ACTR10: variants seen among roughly 807,000 people sequenced by gnomAD.
ACTR10 encodes the protein actin-related protein 10.
In ACTR10, 43 loss-of-function variants were observed where a neutral mutation model predicts 56.2. The ratio of observed to expected loss-of-function variants is 0.77; its 90% CI spans 0.60 to 0.99. The LOEUF (loss-of-function observed/expected upper bound fraction) is 0.99, where lower values mean the gene tolerates loss of function less well. Among genes scored for constraint, ACTR10 ranks in the 50% least tolerant of loss-of-function variants. The pLI is 0.00. For synonymous variants in ACTR10, 170 were observed against 176.3 expected, an observed-to-expected ratio of 0.96 and a Z score of 0.28; for missense variants, 466 against 507.8, an observed-to-expected ratio of 0.92 and a Z score of 0.79.
intron 5 of ACTR10, among the ~76,000 whole-genome samples, chr14:58,212,823 T>A (rs1335697529): frequency 3.9e-5 from 6 of 152,092 alleles, no homozygotes; most frequent in African/African-American, 1.2e-4. Context: ...TGTATGCAAT[T>A]TAGAGTGTTC....
At chr14:58,232,400 T>C (rs1019855764) in intron 12 of ACTR10, 133 bp downstream of exon 12, 44 of 448,946 alleles carry the variant, frequency 9.8e-5, no homozygotes, top group African/African-American at 7.4e-4. Flanking sequence ...AACACTGACT[T>C]TTTCTTTTTT....
intron 10 of ACTR10, among the ~76,000 whole-genome samples, chr14:58,226,440 A>G (rs1366051523): frequency 6.6e-6 from 1 of 151,824 alleles, no homozygotes; most frequent in Non-Finnish European, 1.5e-5. Flanking sequence ...AAAAAAAAAA[A>G]AAAAAAGGAA....
chr14:58,216,538 A>G (rs1889139010), intron 7 of ACTR10, among the ~76,000 whole-genome samples: 1 of 152,198 alleles, frequency 6.6e-6, no homozygotes, highest in Non-Finnish European at 1.5e-5. Context: ...TTTCTTCAAA[A>G]TCTGAGTTTG....
At chr14:58,208,105 CAAAAAA>C (rs34557633) in intron 3 of ACTR10, 87 bp downstream of exon 3, 1 of 918,474 alleles carries the variant, frequency 1.1e-6, no homozygotes, top group South Asian at 2.2e-5. Context: ...CAGCTGAGGC[CAAAAAA>C]AAAAAAAATG....
intron 4 of ACTR10, among the ~76,000 whole-genome samples, chr14:58,209,991 G>T (rs1371085199): frequency 6.6e-6 from 1 of 152,150 alleles, no homozygotes; most frequent in Non-Finnish European, 1.5e-5. Context: ...ATAGCCTCCA[G>T]TACCTACTGA....
Position 58,219,604 on chromosome 14 carries a change from C to T in ACTR10, c.599-90C>T, listed in dbSNP as rs1021050814. On this transcript the variant is annotated intron_variant, in intron 7 of 12. Transcript: ENST00000254286. Reference sequence around the variant, plus strand: ...AGTAGTTGTATTTTTAAAATTTTTTCTAAATTGAAAAATAGAAATGTGAAG... The same window carrying T: ...AGTAGTTGTATTTTTAAAATTTTTTTTAAATTGAAAAATAGAAATGTGAAG... 2.7e-4 allele frequency: 216 copies of T among 807,658 alleles called. 1 individual carries two copies. Among genetic ancestry groups the T allele is most frequent in the Middle Eastern group, 4.0e-4 (1 of 2,520 alleles). The allele number at this position is 807,658 out of a possible 1,614,324, so 50.0% of individuals were successfully genotyped here.
chr14:58,231,052 TG>T, intron 11 of ACTR10: 1 of 332,984 alleles, frequency 3.0e-6, no homozygotes, highest in Non-Finnish European at 6.2e-6. Context: ...CCACCGCACC[TG>T]GCCTTTTTTT....
chr14:58,208,573 G>A (rs190665336), intron 3 of ACTR10, among the ~76,000 whole-genome samples: 14 of 151,990 alleles, frequency 9.2e-5, no homozygotes, highest in African/African-American at 1.9e-4. Context: ...AGAAAATATC[G>A]CCAGGTGCTG....
intron 1 of ACTR10, among the ~76,000 whole-genome samples, chr14:58,201,581 A>T (rs184756634): frequency 6.6e-6 from 1 of 152,232 alleles, no homozygotes; most frequent in African/African-American, 2.4e-5. Flanking sequence ...ACTAGACAGG[A>T]CAAGAAGACA....
Position 58,234,631 on chromosome 14 carries a change from T to A in ACTR10, c.*80T>A. 7.3e-7 allele frequency: 1 copy of A among 1,378,964 alleles called. No individual in the cohort carries two copies. The highest frequency in any genetic ancestry group is 2.3e-5 in the East Asian group (1 of 42,620). 85.4% of individuals were successfully genotyped at this position (1,378,964 alleles called of 1,614,324 possible). On this transcript the variant is annotated 3_prime_UTR_variant, in exon 13 of 13. Transcript: ENST00000254286. ...CAAATTGTACAAAGTATGTAGGATG[T>A]TTTGTTATAGAGGACTATAGTGGAA...
chr14:58,221,316 G>A (rs960932362), intron 8 of ACTR10, among the ~76,000 whole-genome samples: 1 of 151,416 alleles, frequency 6.6e-6, no homozygotes, highest in East Asian at 1.9e-4. Flanking sequence ...TATGCAGGCT[G>A]GGTGTAGTGG....
chr14:58,225,213 A>G (rs1364818847), intron 10 of ACTR10, among the ~76,000 whole-genome samples: 2 of 152,230 alleles, frequency 1.3e-5, no homozygotes, highest in South Asian at 2.1e-4. Context: ...GAAAGAATGC[A>G]TTTTTCCAAA....
intron 10 of ACTR10, among the ~76,000 whole-genome samples, chr14:58,226,896 A>G (rs139841492): frequency 1.2e-3 from 181 of 152,250 alleles, no homozygotes; most frequent in African/African-American, 3.6e-3. Context: ...CACCGCACCC[A>G]GCCTAACATG....
chr14:58,234,742 G>A lies in ACTR10; in HGVS notation c.*191G>A. ...TTGTGTAGTGGTAAAATGGTAGCTG[G>A]TGCTTATTGAGATTTGCTGTATTTA... On this transcript the variant is annotated 3_prime_UTR_variant, in exon 13 of 13. Transcript: ENST00000254286. The A allele has an allele frequency of 2.2e-6, 1 of 446,366 alleles. No individual in the cohort carries two copies. The highest frequency in any genetic ancestry group is 7.2e-5 in the South Asian group (1 of 13,892). 27.7% of individuals were successfully genotyped at this position (446,366 alleles called of 1,614,324 possible). A position where few individuals can be genotyped will look rare whatever the true frequency, so the allele number is the denominator to read the frequency against.
chr14:58,210,679 C>CTTTTTTTTTTTTTT (rs200887449), intron 4 of ACTR10, among the ~76,000 whole-genome samples: 1 of 139,940 alleles, frequency 7.1e-6, no homozygotes, highest in Admixed American at 7.2e-5. Context: ...TTCTTTTTTT[C>CTTTTTTTTTTTTTT]TTTTTTTTTT....
At chr14:58,217,711 C>A (rs1463860610) in intron 7 of ACTR10, among the ~76,000 whole-genome samples, 1 of 151,456 alleles carries the variant, frequency 6.6e-6, no homozygotes, top group Admixed American at 6.6e-5. Flanking sequence ...TTTAAAATGT[C>A]TCTTTTCCAG....
intron 3 of ACTR10, 92 bp from the exon 4 acceptor site, chr14:58,208,907 T>G: frequency 1.3e-6 from 1 of 763,968 alleles, no homozygotes; most frequent in South Asian, 1.6e-5. Flanking sequence ...TATCTTAAGC[T>G]AAGGTAGTAC....
At chr14:58,202,243 G>C (rs1464970689) in intron 1 of ACTR10, among the ~76,000 whole-genome samples, 1 of 152,024 alleles carries the variant, frequency 6.6e-6, no homozygotes, top group Non-Finnish European at 1.5e-5. Flanking sequence ...TACAGATTCA[G>C]AGTTGTAGAT....
At chr14:58,202,536 A>G (rs2140040065) in intron 1 of ACTR10, among the ~76,000 whole-genome samples, 1 of 151,056 alleles carries the variant, frequency 6.6e-6, no homozygotes, top group East Asian at 2.0e-4. Flanking sequence ...GTGAGCCGAG[A>G]TCGCGCCACT....
Sources: allele counts gnomAD v4.1 joint callset (sites outside exome capture counted in the v4.1 genomes callset), GRCh38; gene constraint gnomAD v4.1.1; transcripts MANE v1.5; gene names NCBI Gene and HGNC (gene_info 2026-07-23, HGNC 2026-07-21).